The following RPGRIP1L variants were observed in gnomAD, a reference collection of about 807,000 sequenced individuals.
The protein encoded by RPGRIP1L is protein fantom.
Under a neutral mutation model 160.4 loss-of-function variants are expected in RPGRIP1L, and 131 were observed. That is an observed-to-expected ratio of 0.82 (90% CI 0.71 to 0.94). RPGRIP1L has a LOEUF of 0.94. Ranked by LOEUF, RPGRIP1L falls within the 40% of genes least tolerant of loss-of-function variation. The pLI is 0.00. For missense variants in RPGRIP1L, 1,522 were observed against 1,535.8 expected, an observed-to-expected ratio of 0.99 and a Z score of 0.15; for synonymous variants, 510 against 515.8, an observed-to-expected ratio of 0.99 and a Z score of 0.15.
chr16:53,628,839 T>A (rs937657262), intron 22 of RPGRIP1L: 2 of 152,198 alleles, frequency 1.3e-5, no homozygotes, highest in African/African-American at 4.8e-5. Flanking sequence ...TTTAGAACAT[T>A]GTCACGGTGT....
intron 12 of RPGRIP1L, among the ~76,000 whole-genome samples, chr16:53,657,970 GTTT>G (rs1024954429): frequency 2.0e-4 from 31 of 151,904 alleles, no homozygotes; most frequent in African/African-American, 7.5e-4. Flanking sequence ...TAAAAGAAGT[GTTT>G]TTTTGTGTCT....
intron 26 of RPGRIP1L, among the ~76,000 whole-genome samples, chr16:53,604,147 A>G (rs1178561706): frequency 6.6e-6 from 1 of 152,214 alleles, no homozygotes; most frequent in Admixed American, 6.5e-5. Flanking sequence ...CAAAGTTGTG[A>G]CCAACTGCCA....
chr16:53,636,591 G>T, intron 21 of RPGRIP1L, 79 bp from the exon 22 acceptor site: 2 of 955,564 alleles, frequency 2.1e-6, no homozygotes, highest in Non-Finnish European at 3.4e-6. Flanking sequence ...AGAGAAACAA[G>T]CACACACCAT....
intron 24 of RPGRIP1L, among the ~76,000 whole-genome samples, chr16:53,612,404 T>C (rs1036083759): frequency 2.0e-5 from 3 of 152,088 alleles, no homozygotes; most frequent in Non-Finnish European, 4.4e-5. Context: ...CAAAAAGTCA[T>C]GCTAACAGAT....
chr16:53,616,686 T>C (rs1455215377), intron 24 of RPGRIP1L, among the ~76,000 whole-genome samples: 3 of 152,198 alleles, frequency 2.0e-5, no homozygotes, highest in African/African-American at 7.2e-5. Context: ...GTTTTCTTGC[T>C]GCTATCAAAT....
chr16:53,630,455 T>C (rs1007885144), intron 22 of RPGRIP1L, among the ~76,000 whole-genome samples: 2 of 152,132 alleles, frequency 1.3e-5, no homozygotes, highest in African/African-American at 2.4e-5. Context: ...CATTGTTATA[T>C]ATAATAATGT....
intron 9 of RPGRIP1L, 65 bp downstream of exon 9, chr16:53,671,445 G>T: frequency 1.0e-6 from 1 of 1,004,178 alleles, no homozygotes; most frequent in Non-Finnish European, 1.6e-6. Context: ...TCTGACAACA[G>T]CAAATGCTTA....
At chr16:53,614,882 T>G (rs1337420436) in intron 24 of RPGRIP1L, among the ~76,000 whole-genome samples, 2 of 152,226 alleles carry the variant, frequency 1.3e-5, no homozygotes, top group African/African-American at 4.8e-5. Flanking sequence ...AATACTTTAG[T>G]TGATCTTCAG....
intron 14 of RPGRIP1L, 153 bp from the exon 15 acceptor site, chr16:53,653,140 G>A (rs998063248): frequency 1.2e-5 from 5 of 403,824 alleles, no homozygotes; most frequent in South Asian, 1.0e-4. Context: ...ATACTTTATC[G>A]TACAAAAATT....
In RPGRIP1L at chr16:53,638,407, G is replaced by A. The variant is rs775171959; in HGVS notation, c.2963C>T (p.Thr988Ile). 12 of 1,504,456 alleles carry A rather than the reference G, an allele frequency of 8.0e-6. No individual in the cohort carries two copies. The highest frequency in any genetic ancestry group is 1.7e-4 in the Middle Eastern group (1 of 5,908). The allele number at this position is 1,504,456 out of a possible 1,614,324, so 93.2% of individuals were successfully genotyped here. The change falls in exon 20 of 27, where the codon ACT becomes ATT. Residue 988 changes from threonine to isoleucine, a missense_variant. Coordinates refer to ENST00000647211, the MANE Select transcript of RPGRIP1L (RefSeq NM_015272.5). The part of the protein sequence containing the change: ...VDIMPHQSDE[T>I]SPPPEDRKEI... The stretch of plus-strand genomic sequence containing the variant: ...CTTCCTATCTTCAGGAGGAGGAGAA[G>A]TCTCCTTATATTAATGTGAAAACAC...
chr16:53,650,178 G>A (rs1472671767), intron 15 of RPGRIP1L, among the ~76,000 whole-genome samples: 2 of 152,020 alleles, frequency 1.3e-5, no homozygotes, highest in East Asian at 1.9e-4. Context: ...ATGAGGCCAC[G>A]AGGGATCCAC....
In RPGRIP1L at chr16:53,687,093, A is replaced by G. The variant is rs146105707; in HGVS notation, c.633-517T>C. 2.6e-4 allele frequency among the ~76,000 whole-genome samples: 39 copies of G among 152,252 alleles called. 1 individual carries two copies. The East Asian group carries it at 6.8e-3, about 26-fold the overall frequency. ...GCTTTTCAGGTGATCATCAGGTAACAAGGTTATGTCTAGTCTTTTATTTTC... is the reference window on the plus strand; with the variant it reads ...GCTTTTCAGGTGATCATCAGGTAACGAGGTTATGTCTAGTCTTTTATTTTC... On this transcript the variant is annotated intron_variant, in intron 5 of 26. Transcript: ENST00000647211.
At chr16:53,695,290 T>A in intron 3 of RPGRIP1L, 1 of 693,336 alleles carries the variant, frequency 1.4e-6, no homozygotes, top group East Asian at 2.7e-5. Context: ...AAAACAGCCA[T>A]CATCATGACT....
At chr16:53,625,885 G>C (rs1010100803) in intron 22 of RPGRIP1L, among the ~76,000 whole-genome samples, 12 of 152,020 alleles carry the variant, frequency 7.9e-5, no homozygotes, top group Middle Eastern at 3.4e-3. Context: ...GTCAACTCAG[G>C]GTTAAATGGA....
chr16:53,625,608 C>T (rs1407383175), intron 22 of RPGRIP1L, among the ~76,000 whole-genome samples: 2 of 151,650 alleles, frequency 1.3e-5, no homozygotes, highest in African/African-American at 4.8e-5. Flanking sequence ...AAGTGAGGAG[C>T]CCCTCTGCCC....
At chr16:53,653,553 T>C (rs1966981082) in intron 14 of RPGRIP1L, 1 of 156,308 alleles carries the variant, frequency 6.4e-6, no homozygotes. Flanking sequence ...ATCAATTAAT[T>C]GCTAGACGCA....
At chr16:53,631,327 G>A (rs1360116002) in intron 22 of RPGRIP1L, among the ~76,000 whole-genome samples, 1 of 152,190 alleles carries the variant, frequency 6.6e-6, no homozygotes, top group Non-Finnish European at 1.5e-5. Context: ...GAATATGGCA[G>A]TTTTCACACA....
At chr16:53,625,393 G>C (rs938245697) in intron 22 of RPGRIP1L, among the ~76,000 whole-genome samples, 2 of 150,542 alleles carry the variant, frequency 1.3e-5, no homozygotes, top group East Asian at 2.0e-4. Context: ...GGAACTGGGG[G>C]GGGCGCCTCA....
chr16:53,646,609 T>A (rs552441931), intron 16 of RPGRIP1L, among the ~76,000 whole-genome samples: 1 of 152,254 alleles, frequency 6.6e-6, no homozygotes, highest in African/African-American at 2.4e-5. Context: ...ACTCTACGGT[T>A]CCTTTGGAAC....
Sources: allele counts gnomAD v4.1 joint callset (sites outside exome capture counted in the v4.1 genomes callset), GRCh38; gene constraint gnomAD v4.1.1; transcripts MANE v1.5; gene names NCBI Gene and HGNC (gene_info 2026-07-23, HGNC 2026-07-21).